RPGRIP1L: variants seen among roughly 807,000 people sequenced by gnomAD.
The protein encoded by RPGRIP1L is RPGRIP1 like.
Under a neutral mutation model 160.4 loss-of-function variants are expected in RPGRIP1L, and 131 were observed. The ratio of observed to expected loss-of-function variants is 0.82; its 90% CI spans 0.71 to 0.94. RPGRIP1L has a LOEUF of 0.94. Ranked by LOEUF, RPGRIP1L falls within the 40% of genes least tolerant of loss-of-function variation. The pLI is 0.00. For missense variants in RPGRIP1L, 1,522 were observed against 1,535.8 expected, an observed-to-expected ratio of 0.99 and a Z score of 0.15; for synonymous variants, 510 against 515.8, an observed-to-expected ratio of 0.99 and a Z score of 0.15.
chr16:53,686,466 A>G lies in RPGRIP1L; in HGVS notation c.743T>C (p.Leu248Pro). The G allele has an allele frequency of 1.9e-6, 3 of 1,613,592 alleles. No individual in the cohort carries two copies. Among genetic ancestry groups the G allele is most frequent in the Non-Finnish European group, 2.5e-6 (3 of 1,179,776 alleles). The change falls in exon 6 of 27, where the codon CTT (leucine) becomes CCT (proline). Residue 248 changes from leucine (L) to proline (P), a missense_variant. By Grantham distance (98) the Leu-to-Pro change is moderately conservative. Coordinates refer to ENST00000647211, the MANE Select transcript of RPGRIP1L (RefSeq NM_015272.5). ...RKENEIELSL[L>P]QLREQQATDQ... The stretch of plus-strand genomic sequence containing the variant: ...TGTAGCTTGCTGTTCTCGAAGCTGA[A>G]GAAGAGATAACTCAATTTCATTTTC...
chr16:53,697,703 G>A (rs938513653), intron 2 of RPGRIP1L, among the ~76,000 whole-genome samples: 5 of 152,018 alleles, frequency 3.3e-5, no homozygotes, highest in Admixed American at 1.3e-4. Context: ...GCGTGATCTC[G>A]GCTCGCTACA....
At chr16:53,653,849 T>C (rs1967015238) in intron 14 of RPGRIP1L, among the ~76,000 whole-genome samples, 1 of 152,250 alleles carries the variant, frequency 6.6e-6, no homozygotes, top group Non-Finnish European at 1.5e-5. Flanking sequence ...ATTACTATTT[T>C]AAATTCATAT....
chr16:53,675,116 ATTTG>A lies in RPGRIP1L; in HGVS notation c.779_782del (p.Ser260LeufsTer6), dbSNP rs1379107289. 4 of 1,606,396 alleles carry A rather than the reference ATTTG, an allele frequency of 2.5e-6. No individual in the cohort carries two copies. Among genetic ancestry groups the A allele is most frequent in the Non-Finnish European group, 2.6e-6 (3 of 1,174,572 alleles). On this transcript the variant is annotated frameshift_variant and splice_region_variant, in exon 7 of 27. Transcript: ENST00000647211. LOFTEE classifies it high-confidence loss of function. ...TAATCATTTCTACATTGTCCCGAATATTTGACCTTCAGAGTTGTGTTTAAGAAAA... is the reference window on the plus strand; with the variant it reads ...TAATCATTTCTACATTGTCCCGAATAACCTTCAGAGTTGTGTTTAAGAAAA...
intron 17 of RPGRIP1L, among the ~76,000 whole-genome samples, chr16:53,642,218 C>T (rs943594760): frequency 4.6e-5 from 7 of 151,608 alleles, no homozygotes; most frequent in South Asian, 2.1e-4. Flanking sequence ...GTTCTCACTA[C>T]GTTGCCCAGG....
Position 53,649,064 on chromosome 16 carries a change from A to G in RPGRIP1L, c.2204T>C (p.Leu735Ser). The part of the protein sequence containing the change: ...NFGTVEYWFR[L>S]RVPMDQAIRL... ...AATTGCTTGATCCATGGGAACTCTT[A>G]ATCGGAACCAGTATTCCACTGTGCC... is the stretch of plus-strand genomic sequence containing the variant. The change falls in exon 16 of 27, where the codon TTA becomes TCA. Residue 735 changes from leucine (L) to serine (S), a missense_variant. Coordinates refer to ENST00000647211, the MANE Select transcript of RPGRIP1L (RefSeq NM_015272.5). 1 of 1,613,964 alleles carries G rather than the reference A, an allele frequency of 6.2e-7. No homozygotes were observed. Among genetic ancestry groups the G allele is most frequent in the East Asian group, 2.2e-5 (1 of 44,862 alleles).
intron 1 of RPGRIP1L, among the ~76,000 whole-genome samples, chr16:53,702,424 G>A (rs1018902713): frequency 3.9e-5 from 6 of 152,162 alleles, no homozygotes; most frequent in Non-Finnish European, 8.8e-5. Context: ...GTTAATAATA[G>A]TGTAGAAGCT....
At chr16:53,694,530 T>C (rs1970610410) in intron 3 of RPGRIP1L, 1 of 152,204 alleles carries the variant, frequency 6.6e-6, no homozygotes, top group South Asian at 2.1e-4. Context: ...TGTTTTGTTT[T>C]TTAGACAGAG....
intron 5 of RPGRIP1L, among the ~76,000 whole-genome samples, chr16:53,687,007 A>C (rs1264672311): frequency 6.6e-6 from 1 of 152,152 alleles, no homozygotes; most frequent in Non-Finnish European, 1.5e-5. Context: ...GCATGCATTT[A>C]TCTCTATCAT....
intron 19 of RPGRIP1L, among the ~76,000 whole-genome samples, chr16:53,639,164 T>C (rs1469856910): frequency 6.6e-6 from 1 of 151,984 alleles, no homozygotes; most frequent in Non-Finnish European, 1.5e-5. Context: ...TGTTTAGTTT[T>C]AAAATACAGC....
rs1462325543 is a variant in RPGRIP1L at position 53,619,035 on chromosome 16, G to C, written c.3606C>G (p.Asn1202Lys). ...KPKSGQWVYYNYSNVIYVDKE... is the reference protein window; with the variant it reads ...KPKSGQWVYYKYSNVIYVDKE... ...ATGAATCATACATACCATTGCTATAGTTATAGTAGACCCACTGCCCACTCT... is the reference window on the plus strand; with the variant it reads ...ATGAATCATACATACCATTGCTATACTTATAGTAGACCCACTGCCCACTCT... Residue 1202 changes from asparagine (N) to lysine (K), a missense_variant, in exon 24 of 27, where the codon AAC becomes AAG. Coordinates refer to ENST00000647211, the MANE Select transcript of RPGRIP1L (RefSeq NM_015272.5). 7.4e-6 allele frequency: 12 copies of C among 1,612,120 alleles called. No individual in the cohort carries two copies. Among genetic ancestry groups the C allele is most frequent in the Non-Finnish European group, 1.0e-5 (12 of 1,178,184 alleles).
intron 22 of RPGRIP1L, among the ~76,000 whole-genome samples, chr16:53,627,851 C>T (rs1304299226): frequency 6.6e-6 from 1 of 151,952 alleles, no homozygotes; most frequent in Non-Finnish European, 1.5e-5. Context: ...ATCTATAGTA[C>T]ATTTATTTAC....
chr16:53,638,286 A>T, intron 20 of RPGRIP1L, 24 bp downstream of exon 20: 2 of 1,363,512 alleles, frequency 1.5e-6, no homozygotes, highest in Non-Finnish European at 2.1e-6. Context: ...AACCTTCCAA[A>T]ATAATTTTAA....
rs1249850161 is a variant in RPGRIP1L at position 53,611,052 on chromosome 16, C to CTTAT, written c.3617-2_3617-1insATAA. 1 of 1,607,274 alleles carries CTTAT rather than the reference C, an allele frequency of 6.2e-7. No homozygotes were observed. Among genetic ancestry groups the CTTAT allele is most frequent in the Non-Finnish European group, 8.5e-7 (1 of 1,174,748 alleles). On this transcript the variant is annotated splice_acceptor_variant, in intron 24 of 26. Transcript: ENST00000647211. LOFTEE classifies it high-confidence loss of function. ...TTGTTTTCTTTATCCACGTAGATCA[C>CTTAT]TATACCAAAAGAAAAAAAAATGCCA...
rs1308865361 is a variant in RPGRIP1L at position 53,692,192 on chromosome 16, A to C, written c.403T>G (p.Ser135Ala). ...TGGGTTTGAAGTTGCTGTTTGGCTG[A>C]AATCAGTCTGTTTTTGAGGGTTTCA... ...QNETLKNRLISAKQQLQTQGY... is the reference protein window; with the variant it reads ...QNETLKNRLIAAKQQLQTQGY... Residue 135 changes from serine (S) to alanine (A), a missense_variant, in exon 4 of 27, where the codon TCA becomes GCA. By Grantham distance (99) the Ser-to-Ala change is moderately conservative. Coordinates refer to ENST00000647211, the MANE Select transcript of RPGRIP1L (RefSeq NM_015272.5). 6 of 1,613,912 alleles carry C rather than the reference A, an allele frequency of 3.7e-6. No individual in the cohort carries two copies. The highest frequency in any genetic ancestry group is 1.3e-5 in the African/African-American group (1 of 74,872).
intron 9 of RPGRIP1L, among the ~76,000 whole-genome samples, chr16:53,670,713 C>G (rs1369203489): frequency 1.3e-5 from 2 of 152,210 alleles, no homozygotes; most frequent in African/African-American, 2.4e-5. Context: ...TTGCTTTTCC[C>G]TAACAGAATA....
In RPGRIP1L at chr16:53,600,051, T is replaced by C. The variant is rs1963313263; in HGVS notation, c.*2025A>G. ...AGAAAAACTTTTCCTTTCCACTTAA[T>C]GATCCTAAGAAGTCAGTGCAATCTG... is the stretch of plus-strand genomic sequence containing the variant. On this transcript the variant is annotated 3_prime_UTR_variant, in exon 27 of 27. Coordinates refer to ENST00000647211, the MANE Select transcript of RPGRIP1L (RefSeq NM_015272.5). 1 of 152,336 alleles carries C rather than the reference T, an allele frequency of 6.6e-6. No homozygotes were observed. 9.4% of individuals were successfully genotyped at this position (152,336 alleles called of 1,614,324 possible).
At chr16:53,673,605 TA>T (rs1257859339) in intron 7 of RPGRIP1L, among the ~76,000 whole-genome samples, 1 of 152,080 alleles carries the variant, frequency 6.6e-6, no homozygotes, top group African/African-American at 2.4e-5. Context: ...TTTTTTAAAA[TA>T]AAAAAAGGTA....
chr16:53,636,620 A>G, intron 21 of RPGRIP1L, 108 bp from the exon 22 acceptor site: 1 of 728,806 alleles, frequency 1.4e-6, no homozygotes, highest in Non-Finnish European at 2.4e-6. Context: ...CTTAAGAAAC[A>G]TGGTAATTAT....
At chr16:53,657,109 C>T (rs887417843) in intron 13 of RPGRIP1L, among the ~76,000 whole-genome samples, 5 of 151,816 alleles carry the variant, frequency 3.3e-5, no homozygotes, top group East Asian at 1.9e-4. Flanking sequence ...GGCATGGTGG[C>T]GGCACCTGTA....
Sources: gnomAD v4.1 joint callset for allele counts (sites outside exome capture counted in the v4.1 genomes callset) on GRCh38, gnomAD v4.1.1 for gene constraint, MANE v1.5 for transcripts, NCBI Gene and HGNC (gene_info 2026-07-23, HGNC 2026-07-21) for gene names.